The following GRM7 variants were observed in gnomAD, a reference collection of about 807,000 sequenced individuals.
The protein encoded by GRM7 is glutamate metabotropic receptor 7, also known as metabotropic glutamate receptor 7.
Under a neutral mutation model 84.5 loss-of-function variants are expected in GRM7, and 35 were observed. That is an observed-to-expected ratio of 0.41 (90% CI 0.32 to 0.55). The LOEUF (loss-of-function observed/expected upper bound fraction) is 0.55, where lower values mean the gene tolerates loss of function less well. Among genes scored for constraint, GRM7 ranks in the 20% least tolerant of loss-of-function variants. GRM7 has a pLI of 0.19. For missense variants in GRM7, 1,003 were observed against 1,194.6 expected, an observed-to-expected ratio of 0.84 and a Z score of 2.36; for synonymous variants, 487 against 455.1, an observed-to-expected ratio of 1.07 and a Z score of -0.89.
intron 8 of GRM7, chr3:7,636,449 G>T (rs1360483660): frequency 2.0e-5 from 7 of 347,044 alleles, no homozygotes; most frequent in Admixed American, 3.4e-5. Flanking sequence ...AAGAACATCG[G>T]TTGAGAATAA....
chr3:7,386,933 A>T (rs78201569), intron 4 of GRM7, among the ~76,000 whole-genome samples: 1 of 152,046 alleles, frequency 6.6e-6, no homozygotes, highest in Non-Finnish European at 1.5e-5. Context: ...AACATCTGTT[A>T]TGTTTTGATT....
chr3:7,094,232 C>A (rs1350614375), intron 1 of GRM7, among the ~76,000 whole-genome samples: 1 of 151,988 alleles, frequency 6.6e-6, no homozygotes, highest in African/African-American at 2.4e-5. Context: ...TGGAAAAAAA[C>A]CCACAATTTT....
chr3:7,271,188 A>G (rs1698839565), intron 2 of GRM7, among the ~76,000 whole-genome samples: 1 of 152,232 alleles, frequency 6.6e-6, no homozygotes, highest in Non-Finnish European at 1.5e-5. Context: ...TTGAAACCCA[A>G]CAGAAAGAGG....
chr3:7,485,641 A>G (rs529106033), intron 7 of GRM7, among the ~76,000 whole-genome samples: 1 of 152,374 alleles, frequency 6.6e-6, no homozygotes, highest in East Asian at 1.9e-4. Context: ...CCAAAATATC[A>G]GAAGGTACTT....
chr3:6,911,941 G>C (rs907974774), intron 1 of GRM7, among the ~76,000 whole-genome samples: 3 of 152,064 alleles, frequency 2.0e-5, no homozygotes, highest in Non-Finnish European at 4.4e-5. Flanking sequence ...CAAGTCCATC[G>C]ACTGTAAGAA....
intron 1 of GRM7, among the ~76,000 whole-genome samples, chr3:6,950,265 C>A (rs1234323172): frequency 6.6e-6 from 1 of 151,558 alleles, no homozygotes; most frequent in Non-Finnish European, 1.5e-5. Flanking sequence ...TGTTAGTTTT[C>A]CTTCTAATAG....
intron 8 of GRM7, among the ~76,000 whole-genome samples, chr3:7,671,314 G>A (rs1041622119): frequency 6.6e-6 from 1 of 151,984 alleles, no homozygotes; most frequent in Non-Finnish European, 1.5e-5. Flanking sequence ...CTTTTCCAAG[G>A]ATGTGGTCAA....
At chr3:7,148,524 T>G (rs1014310240) in intron 2 of GRM7, among the ~76,000 whole-genome samples, 8 of 152,188 alleles carry the variant, frequency 5.3e-5, no homozygotes, top group African/African-American at 1.7e-4. Context: ...AAAGTGCAGC[T>G]TTCCTTGCCT....
intron 1 of GRM7, chr3:6,956,482 T>C (rs1693054248): frequency 6.7e-6 from 3 of 444,716 alleles, no homozygotes; most frequent in Non-Finnish European, 1.3e-5. Context: ...CATTCATTTT[T>C]TTCTTTTCTC....
At chr3:7,410,598 TACACACACACAC>T (rs35513247) in intron 4 of GRM7, among the ~76,000 whole-genome samples, 1 of 142,600 alleles carries the variant, frequency 7.0e-6, no homozygotes, top group African/African-American at 2.7e-5. Context: ...TATATATATA[TACACACACACAC>T]ACACACACAC....
intron 8 of GRM7, among the ~76,000 whole-genome samples, chr3:7,650,556 G>A (rs894767291): frequency 2.6e-5 from 4 of 152,188 alleles, no homozygotes; most frequent in African/African-American, 9.7e-5. Context: ...AAGGAATTCT[G>A]TTAGCTGTTG....
In GRM7 at chr3:7,579,080, C is replaced by T; in HGVS notation, c.2174C>T (p.Pro725Leu). ...GTGTTCATTTGGTTTGGTGTTGATC[C>T]ACCCAACATCATCATAGACTATGAT... ...LGVFIWFGVD[P>L]PNIIIDYDEH... Residue 725 changes from proline to leucine, a missense_variant, in exon 8 of 10, where the codon CCA becomes CTA. Transcript: ENST00000357716. 1 of 1,613,914 alleles carries T rather than the reference C, an allele frequency of 6.2e-7. No individual in the cohort carries two copies. The highest frequency in any genetic ancestry group is 2.2e-5 in the East Asian group (1 of 44,872).
At chr3:7,221,923 C>G (rs1380857793) in intron 2 of GRM7, among the ~76,000 whole-genome samples, 2 of 150,512 alleles carry the variant, frequency 1.3e-5, no homozygotes, top group Admixed American at 1.3e-4. Flanking sequence ...TCTCCTGGCT[C>G]AGCCTCCCAA....
At chr3:6,892,581 A>G (rs1168680775) in intron 1 of GRM7, 1 of 152,178 alleles carries the variant, frequency 6.6e-6, no homozygotes, top group Non-Finnish European at 1.5e-5. Flanking sequence ...AGAGCAGGAA[A>G]GCTTCCTGAG....
intron 7 of GRM7, among the ~76,000 whole-genome samples, chr3:7,575,806 A>G (rs1694932626): frequency 6.6e-6 from 1 of 152,214 alleles, no homozygotes; most frequent in South Asian, 2.1e-4. Context: ...TTAAGTGATC[A>G]GTCAATGTGA....
At chr3:7,497,981 C>G (rs1699761897) in intron 7 of GRM7, among the ~76,000 whole-genome samples, 1 of 152,138 alleles carries the variant, frequency 6.6e-6, no homozygotes, top group Non-Finnish European at 1.5e-5. Context: ...GAAGTCCAAT[C>G]TTTTGAAAAC....
intron 5 of GRM7, among the ~76,000 whole-genome samples, chr3:7,416,554 G>A (rs897788302): frequency 3.3e-5 from 5 of 152,148 alleles, no homozygotes; most frequent in East Asian, 3.9e-4. Flanking sequence ...GTCTTTGGGG[G>A]TGCTTAAATG....
intron 1 of GRM7, among the ~76,000 whole-genome samples, chr3:7,032,941 G>C (rs926657742): frequency 2.0e-5 from 3 of 152,060 alleles, no homozygotes; most frequent in African/African-American, 4.8e-5. Context: ...AGTTCTCAAG[G>C]ATTGCCATAA....
chr3:7,728,080 A>G (rs537368759), intron 9 of GRM7, among the ~76,000 whole-genome samples: 2 of 152,338 alleles, frequency 1.3e-5, no homozygotes, highest in South Asian at 4.1e-4. Context: ...CAAAACAAGA[A>G]GCCACTGAAC....
Sources: allele counts gnomAD v4.1 joint callset (sites outside exome capture counted in the v4.1 genomes callset), GRCh38; gene constraint gnomAD v4.1.1; transcripts MANE v1.5; gene names NCBI Gene and HGNC (gene_info 2026-07-23, HGNC 2026-07-21).